PCDHGA9: variants seen among roughly 807,000 people sequenced by gnomAD.
PCDHGA9 encodes the protein protocadherin gamma subfamily A, 9.
A neutral mutation model predicts 62.5 loss-of-function variants in PCDHGA9; 37 were observed. The ratio of observed to expected loss-of-function variants is 0.59; its 90% CI spans 0.46 to 0.78. The LOEUF is 0.78. PCDHGA9 is among the 30% of genes least tolerant of loss of function. The probability of loss-of-function intolerance (pLI) is 0.00; values close to 1 mark genes in which losing one functional copy is unlikely to be tolerated. For missense variants in PCDHGA9, 1,138 were observed against 1,166.2 expected (o/e 0.98, Z 0.35); for synonymous variants, 459 against 484.6 (o/e 0.95, Z 0.69).
rs376937850 is a variant in PCDHGA9 at position 141,491,097 on chromosome 5, C to T, written c.2425-3710C>T. The T allele has an allele frequency of 1.2e-6, 2 of 1,614,170 alleles. No homozygotes were observed. Among genetic ancestry groups the T allele is most frequent in the Non-Finnish European group, 1.7e-6 (2 of 1,180,018 alleles). On this transcript the variant is annotated intron_variant, in intron 1 of 3. Coordinates refer to ENST00000573521, the MANE Select transcript of PCDHGA9 (RefSeq NM_018921.3). The surrounding 1 kb of genome is among the most constrained non-coding windows in gnomAD (Gnocchi z 6.9). ...CACAGTCCACAGCCCCAGGACTGTT[C>T]CTCGTGTCTACACACACTGGTGAGG...
At position 141,404,672 on chromosome 5, in the gene PCDHGA9, G is replaced by T; in HGVS notation, c.1720G>T (p.Gly574Cys). 6.2e-7 allele frequency: 1 copy of T among 1,614,156 alleles called. No individual in the cohort carries two copies. Among genetic ancestry groups the T allele is most frequent in the Non-Finnish European group, 8.5e-7 (1 of 1,179,994 alleles). The change falls in exon 1 of 4, where the codon GGT (glycine) becomes TGT (cysteine). Residue 574 changes from glycine to cysteine, a missense_variant. Transcript: ENST00000573521. ...TGCCCTCCCCACTGATGGTTCTACT[G>T]GTGTGGAGCTGGCACCCCGCTCTGC... Reference protein sequence around the residue: ...YPALPTDGSTGVELAPRSAEP... With the variant: ...YPALPTDGSTCVELAPRSAEP...
At chr5:141,460,483 C>G (rs2098990314) in intron 1 of PCDHGA9, among the ~76,000 whole-genome samples, 1 of 152,046 alleles carries the variant, frequency 6.6e-6, no homozygotes, top group African/African-American at 2.4e-5. Flanking sequence ...ATCCAATTGT[C>G]TCTTTGGAAA....
intron 1 of PCDHGA9, among the ~76,000 whole-genome samples, chr5:141,473,096 G>A (rs1007912058): frequency 9.9e-5 from 15 of 152,058 alleles, no homozygotes; most frequent in African/African-American, 3.6e-4. Context: ...ACTGTGAGTT[G>A]TATTACCACA....
At chr5:141,460,047 C>T (rs2098981053) in intron 1 of PCDHGA9, among the ~76,000 whole-genome samples, 1 of 152,102 alleles carries the variant, frequency 6.6e-6, no homozygotes. Context: ...CACTGCACTC[C>T]AGCCTGGGCA....
Position 141,432,454 on chromosome 5 carries a change from C to T in PCDHGA9, c.2424+27078C>T, listed in dbSNP as rs751733947. On this transcript the variant is annotated intron_variant, in intron 1 of 3. Coordinates refer to ENST00000573521, the MANE Select transcript of PCDHGA9 (RefSeq NM_018921.3). The surrounding 1 kb of genome is among the most constrained non-coding windows in gnomAD (Gnocchi z 6.0). ...ACAATGCGCCCGAGATCCTGTACCC[C>T]GCCCTCCCCACGGACGGTTCCACTG... 134 of 1,614,108 alleles carry T rather than the reference C, an allele frequency of 8.3e-5. No homozygotes were observed. The highest frequency in any genetic ancestry group is 1.1e-4 in the Non-Finnish European group (133 of 1,180,058).
chr5:141,500,618 C>T (rs554274946), intron 2 of PCDHGA9, among the ~76,000 whole-genome samples: 1 of 152,262 alleles, frequency 6.6e-6, no homozygotes, highest in South Asian at 2.1e-4. Flanking sequence ...CCCAGTCATA[C>T]GGTACATTTC....
chr5:141,407,947 G>C (rs910743144), intron 1 of PCDHGA9: 7 of 561,352 alleles, frequency 1.2e-5, no homozygotes, highest in South Asian at 3.4e-5. Context: ...CGCCGCTGTC[G>C]GCCAGTGCAG....
intron 1 of PCDHGA9, chr5:141,422,579 C>T: frequency 6.2e-7 from 1 of 1,614,052 alleles, no homozygotes; most frequent in Non-Finnish European, 8.5e-7. Flanking sequence ...GATAACCCTC[C>T]CGTTTTTCCT....
intron 1 of PCDHGA9, among the ~76,000 whole-genome samples, chr5:141,443,514 C>T (rs1386662758): frequency 6.6e-6 from 1 of 152,056 alleles, no homozygotes; most frequent in Non-Finnish European, 1.5e-5. Flanking sequence ...AAGAGCTTCT[C>T]TCCTTATGAC....
chr5:141,511,711 T>G lies in PCDHGA9; in HGVS notation c.*538T>G. 1 of 185,916 alleles carries G rather than the reference T, an allele frequency of 5.4e-6. No individual in the cohort carries two copies. Among genetic ancestry groups the G allele is most frequent in the South Asian group, 1.1e-4 (1 of 8,818 alleles). The allele number at this position is 185,916 out of a possible 1,614,324, so 11.5% of individuals were successfully genotyped here. A position where few individuals can be genotyped will look rare whatever the true frequency, so the allele number is the denominator to read the frequency against. Reference sequence around the variant, plus strand: ...GTTTGGTGCCAGCCCCTTCACCTCCTTCCAGAGCCCAAGATCAATGCTCAA... The same window carrying G: ...GTTTGGTGCCAGCCCCTTCACCTCCGTCCAGAGCCCAAGATCAATGCTCAA... On this transcript the variant is annotated 3_prime_UTR_variant, in exon 4 of 4. Transcript: ENST00000573521.
In PCDHGA9 at chr5:141,404,877, T is replaced by C; in HGVS notation, c.1925T>C (p.Leu642Pro). 6.2e-7 allele frequency: 1 copy of C among 1,613,856 alleles called. No individual in the cohort carries two copies. Among genetic ancestry groups the C allele is most frequent in the East Asian group, 2.2e-5 (1 of 44,868 alleles). ...GATAGAGATGCGCTCAAACAGAGCC[T>C]TGTGGTGGCTGTACAGGACCATGGC... Reference protein sequence around the residue: ...LLDRDALKQSLVVAVQDHGQP... With the variant: ...LLDRDALKQSPVVAVQDHGQP... The change falls in exon 1 of 4, where the codon CTT becomes CCT. Residue 642 changes from leucine to proline, a missense_variant. Transcript: ENST00000573521.
At chr5:141,440,115 A>G (rs921555018) in intron 1 of PCDHGA9, 4 of 152,250 alleles carry the variant, frequency 2.6e-5, no homozygotes, top group African/African-American at 4.8e-5. Flanking sequence ...TTACTTGTGA[A>G]TGACTGAATG....
In PCDHGA9 at chr5:141,408,035, C is replaced by T. The variant is rs886766467; in HGVS notation, c.2424+2659C>T. On this transcript the variant is annotated intron_variant, in intron 1 of 3. Transcript: ENST00000573521. ...CAGCCAACAACAGAAAGAAGAAAAC[C>T]AGCTCCCACACAGAGCCTCCCGGCT... 7.1e-6 allele frequency: 8 copies of T among 1,130,910 alleles called. No homozygotes were observed. The African/African-American group carries it at 7.8e-5, about 11-fold the overall frequency. 70.1% of individuals were successfully genotyped at this position (1,130,910 alleles called of 1,614,324 possible).
intron 1 of PCDHGA9, chr5:141,478,531 C>G (rs771145308): frequency 1.2e-6 from 2 of 1,608,190 alleles, no homozygotes; most frequent in East Asian, 2.2e-5. Context: ...GTGCAGAGAG[C>G]GCCCCTCCCG....
chr5:141,428,013 C>T, intron 1 of PCDHGA9: 4 of 1,603,660 alleles, frequency 2.5e-6, no homozygotes, highest in Non-Finnish European at 3.4e-6. Flanking sequence ...CGATATAGTG[C>T]CACGCGCCGC....
intron 2 of PCDHGA9, among the ~76,000 whole-genome samples, chr5:141,501,333 A>ACACC (rs1186649373): frequency 5.5e-4 from 77 of 140,128 alleles, no homozygotes; most frequent in African/African-American, 6.0e-4. Context: ...ACACACACAC[A>ACACC]CCCCAAACTC....
At position 141,409,906 on chromosome 5, in the gene PCDHGA9, T is replaced by C. The variant is rs779572711; in HGVS notation, c.2424+4530T>C. Reference sequence around the variant, plus strand: ...CGCGGGTGCTGTACCCAGCTCTGGGTCCTGACGGCTCCGCGTTCTTCGATA... The same window carrying C: ...CGCGGGTGCTGTACCCAGCTCTGGGCCCTGACGGCTCCGCGTTCTTCGATA... On this transcript the variant is annotated intron_variant, in intron 1 of 3. Transcript: ENST00000573521. 6 of 1,613,214 alleles carry C rather than the reference T, an allele frequency of 3.7e-6. No homozygotes were observed. The South Asian group carries it at 6.6e-5, about 18-fold the overall frequency.
rs2154584583 is a variant in PCDHGA9, at chr5:141,490,717, A to G, written c.2425-4090A>G. The G allele has an allele frequency of 6.2e-7, 1 of 1,613,972 alleles. No individual in the cohort carries two copies. Among genetic ancestry groups the G allele is most frequent in the Non-Finnish European group, 8.5e-7 (1 of 1,179,936 alleles). On this transcript the variant is annotated intron_variant, in intron 1 of 3. Coordinates refer to ENST00000573521, the MANE Select transcript of PCDHGA9 (RefSeq NM_018921.3). The surrounding 1 kb of genome is among the most constrained non-coding windows in gnomAD (Gnocchi z 5.4). ...GGATAATGCCCGCCTCACCTACTCC[A>G]TTGTAGGAAATCAGGTTCAGGGAGC...
At chr5:141,456,919 C>G (rs2098898169) in intron 1 of PCDHGA9, among the ~76,000 whole-genome samples, 1 of 152,124 alleles carries the variant, frequency 6.6e-6, no homozygotes, top group African/African-American at 2.4e-5. Flanking sequence ...GCCGAGATCG[C>G]ACCACTGCAC....
Sources: allele counts gnomAD v4.1 joint callset (sites outside exome capture counted in the v4.1 genomes callset), GRCh38; gene constraint gnomAD v4.1.1; non-coding constraint Gnocchi (gnomAD v3.1); transcripts MANE v1.5; gene names NCBI Gene and HGNC (gene_info 2026-07-23, HGNC 2026-07-21).